SLC24A2: variants seen among roughly 807,000 people sequenced by gnomAD.
SLC24A2 encodes the protein solute carrier family 24 member 2.
SLC24A2 carries 36 observed loss-of-function variants against 62.0 expected under a neutral mutation model. The ratio of observed to expected loss-of-function variants is 0.58; its 90% CI spans 0.44 to 0.77. SLC24A2 has a LOEUF of 0.77. Ranked by LOEUF, SLC24A2 falls within the 30% of genes least tolerant of loss-of-function variation. The pLI, the probability that SLC24A2 is intolerant of heterozygous loss-of-function variation, is 0.00. For synonymous variants in SLC24A2, 358 were observed against 294.0 expected (o/e 1.22, Z -2.23); for missense variants, 846 against 817.9 (o/e 1.03, Z -0.42).
chr9:20,021,705 G>C, the SLC24A2 span, among the ~76,000 whole-genome samples: 1 of 147,620 alleles, frequency 6.8e-6, no homozygotes, highest in African/African-American at 2.7e-5. Context: ...ACTCCCCCCT[G>C]GCCCCCAAAC....
At chr9:19,642,356 C>CA in intron 2 of SLC24A2, among the ~76,000 whole-genome samples, 1 of 152,170 alleles carries the variant, frequency 6.6e-6, no homozygotes, top group East Asian at 1.9e-4. Flanking sequence ...AAGATGTGCC[C>CA]AGTCATCAGT....
the SLC24A2 span, among the ~76,000 whole-genome samples, chr9:19,866,933 G>A: frequency 6.6e-6 from 1 of 152,060 alleles, no homozygotes; most frequent in Admixed American, 6.5e-5. Flanking sequence ...GGGGGGGTTG[G>A]ATGGGAGGTG....
At chr9:20,118,703 C>T in the SLC24A2 span, among the ~76,000 whole-genome samples, 10 of 151,932 alleles carry the variant, frequency 6.6e-5, no homozygotes, top group South Asian at 2.1e-4. Flanking sequence ...AAGTGACCTC[C>T]GTAACTCTAA....
the SLC24A2 span, among the ~76,000 whole-genome samples, chr9:20,210,224 C>G: frequency 3.9e-5 from 6 of 152,120 alleles, no homozygotes; most frequent in African/African-American, 1.4e-4. Context: ...ACACCCAGAC[C>G]CAGCACCTGG....
At chr9:19,824,357 A>T in the SLC24A2 span, among the ~76,000 whole-genome samples, 2 of 152,226 alleles carry the variant, frequency 1.3e-5, no homozygotes. Context: ...AAAGTGGGTG[A>T]AGGATATGAA....
chr9:19,589,918 C>G (rs1441121720), intron 5 of SLC24A2, among the ~76,000 whole-genome samples: 2 of 152,148 alleles, frequency 1.3e-5, no homozygotes, highest in African/African-American at 2.4e-5. Flanking sequence ...GGAGGCTTCC[C>G]TGGCTTCTCT....
At chr9:19,563,920 C>A (rs932811809) in intron 7 of SLC24A2, among the ~76,000 whole-genome samples, 2 of 146,606 alleles carry the variant, frequency 1.4e-5, no homozygotes, top group Non-Finnish European at 3.0e-5. Context: ...CTAGGGTGAT[C>A]ATGGCTCATT....
chr9:20,283,751 A>AG, the SLC24A2 span, among the ~76,000 whole-genome samples: 3,098 of 79,602 alleles, frequency 0.039, 80 homozygotes, highest in African/African-American at 0.085. Context: ...AGAAAAAAAA[A>AG]GGGGGGGGGG....
the SLC24A2 span, among the ~76,000 whole-genome samples, chr9:20,114,753 C>T: frequency 1.3e-5 from 2 of 152,120 alleles, no homozygotes. Flanking sequence ...AGAGCTAGTG[C>T]TCAGTCACTA....
chr9:20,296,704 G>A, the SLC24A2 span, among the ~76,000 whole-genome samples: 2 of 152,174 alleles, frequency 1.3e-5, no homozygotes, highest in African/African-American at 4.8e-5. Context: ...TCAAAAGATT[G>A]AGGTTGCCCA....
chr9:19,508,235 A>G lies in SLC24A2; in HGVS notation c.*7918T>C, dbSNP rs969390397. The G allele has an allele frequency of 2.0e-5, 3 of 152,192 alleles. No individual in the cohort carries two copies. Among genetic ancestry groups the G allele is most frequent in the Non-Finnish European group, 2.9e-5 (2 of 68,036 alleles). The allele number at this position is 152,192 out of a possible 1,614,324, so 9.4% of individuals were successfully genotyped here. Reference sequence around the variant, plus strand: ...TTTGTGTTCAGGGTTCAATAGCGCAATTCAGTAACTGAGGCTCCCTCTTCC... The same window carrying G: ...TTTGTGTTCAGGGTTCAATAGCGCAGTTCAGTAACTGAGGCTCCCTCTTCC... On this transcript the variant is annotated 3_prime_UTR_variant, in exon 11 of 11. Coordinates refer to ENST00000341998, the MANE Select transcript of SLC24A2 (RefSeq NM_020344.4).
chr9:20,040,121 C>A, the SLC24A2 span, among the ~76,000 whole-genome samples: 1 of 152,180 alleles, frequency 6.6e-6, no homozygotes, highest in Admixed American at 6.5e-5. Flanking sequence ...ATGTGCTCAA[C>A]AAATGGAAGC....
At chr9:19,886,352 A>AT in the SLC24A2 span, among the ~76,000 whole-genome samples, 133 of 152,144 alleles carry the variant, frequency 8.7e-4, no homozygotes, top group Non-Finnish European at 1.6e-3. Flanking sequence ...ATGATTGAGC[A>AT]TTTTTTTATA....
intron 2 of SLC24A2, among the ~76,000 whole-genome samples, chr9:19,627,103 T>C (rs1050093569): frequency 1.3e-5 from 2 of 152,194 alleles, no homozygotes; most frequent in Non-Finnish European, 2.9e-5. Flanking sequence ...ATCATGGCCC[T>C]TCTGCAAAGA....
chr9:19,864,409 G>A, the SLC24A2 span, among the ~76,000 whole-genome samples: 1 of 151,632 alleles, frequency 6.6e-6, no homozygotes, highest in South Asian at 2.1e-4. Flanking sequence ...AAACACTACA[G>A]GTCAATGTAC....
the SLC24A2 span, among the ~76,000 whole-genome samples, chr9:20,219,755 A>C: frequency 6.6e-6 from 1 of 152,192 alleles, no homozygotes; most frequent in Admixed American, 6.5e-5. Flanking sequence ...TGAGAGTCCA[A>C]GACTGAAAAT....
At chr9:19,590,485 T>G (rs1836518248) in intron 5 of SLC24A2, among the ~76,000 whole-genome samples, 1 of 152,144 alleles carries the variant, frequency 6.6e-6, no homozygotes, top group African/African-American at 2.4e-5. Context: ...ATCCTGCCCT[T>G]CCTTATTACT....
At chr9:19,562,254 A>G (rs1345615016) in intron 7 of SLC24A2, among the ~76,000 whole-genome samples, 1 of 152,210 alleles carries the variant, frequency 6.6e-6, no homozygotes, top group East Asian at 1.9e-4. Context: ...TAATTCAAAA[A>G]TCATTTCATC....
the SLC24A2 span, among the ~76,000 whole-genome samples, chr9:20,243,605 C>T: frequency 6.6e-6 from 1 of 152,142 alleles, no homozygotes; most frequent in Non-Finnish European, 1.5e-5. Flanking sequence ...CTTACATGTA[C>T]ACACACATTT....
Sources: gnomAD v4.1 joint callset for allele counts (sites outside exome capture counted in the v4.1 genomes callset) on GRCh38, gnomAD v4.1.1 for gene constraint, MANE v1.5 for transcripts, NCBI Gene and HGNC (gene_info 2026-07-23, HGNC 2026-07-21) for gene names.